PDE10A: variants seen among roughly 807,000 people sequenced by gnomAD.
PDE10A encodes cAMP and cAMP-inhibited cGMP 3',5'-cyclic phosphodiesterase 10A.
PDE10A carries 39 observed loss-of-function variants against 97.7 expected under a neutral mutation model. The observed-to-expected ratio is 0.40, with a 90% CI of 0.31 to 0.52. The LOEUF (loss-of-function observed/expected upper bound fraction) is 0.52, where lower values mean the gene tolerates loss of function less well. Ranked by LOEUF, PDE10A falls within the 20% of genes least tolerant of loss-of-function variation. PDE10A has a pLI of 0.56. For synonymous variants in PDE10A, 371 were observed against 376.8 expected (o/e 0.98, Z 0.18); for missense variants, 731 against 1,047.8 (o/e 0.70, Z 4.17).
rs1469916094 is a variant in PDE10A at position 165,328,722 on chromosome 6, C to T, written c.*4303G>A. 1 of 152,224 alleles carries T rather than the reference C, an allele frequency of 6.6e-6. No homozygotes were observed. Among genetic ancestry groups the T allele is most frequent in the Non-Finnish European group, 1.5e-5 (1 of 68,034 alleles). 9.4% of individuals were successfully genotyped at this position (152,224 alleles called of 1,614,324 possible). ...AATGTCTTTCTCTTTGTTCTATCTT[C>T]TTAATTTAGAACCAGCACACCGTTG... On this transcript the variant is annotated 3_prime_UTR_variant, in exon 22 of 22. Transcript: ENST00000539869.
chr6:165,792,509 C>T (rs1338934302), intron 1 of PDE10A, among the ~76,000 whole-genome samples: 1 of 152,180 alleles, frequency 6.6e-6, no homozygotes, highest in Non-Finnish European at 1.5e-5. Flanking sequence ...CCTTCTAATG[C>T]TTTTGTTTGT....
intron 13 of PDE10A, among the ~76,000 whole-genome samples, chr6:165,402,597 T>C (rs1460569741): frequency 1.3e-5 from 2 of 152,166 alleles, no homozygotes; most frequent in Non-Finnish European, 1.5e-5. Flanking sequence ...AAGAGAATTC[T>C]AGCAGAAAAA....
intron 13 of PDE10A, among the ~76,000 whole-genome samples, chr6:165,399,180 A>C (rs1786427154): frequency 1.3e-5 from 2 of 152,226 alleles, no homozygotes; most frequent in Non-Finnish European, 2.9e-5. Context: ...CATGAAGCAA[A>C]CAACGACAGA....
chr6:165,493,186 C>A (rs1780325885), intron 2 of PDE10A, among the ~76,000 whole-genome samples: 1 of 151,876 alleles, frequency 6.6e-6, no homozygotes, highest in Non-Finnish European at 1.5e-5. Flanking sequence ...AAATCACAGA[C>A]AATATAAACA....
At chr6:165,357,626 T>C (rs771413604) in intron 18 of PDE10A, among the ~76,000 whole-genome samples, 4 of 152,108 alleles carry the variant, frequency 2.6e-5, no homozygotes, top group Non-Finnish European at 5.9e-5. Context: ...ATTTATCCGG[T>C]TCATCTAAGT....
chr6:165,839,954 C>T (rs1161940041), intron 1 of PDE10A, among the ~76,000 whole-genome samples: 122 of 151,864 alleles, frequency 8.0e-4, no homozygotes, highest in East Asian at 9.7e-4. Context: ...TTTCCATCCC[C>T]ATCTACATCT....
intron 1 of PDE10A, among the ~76,000 whole-genome samples, chr6:165,844,756 T>C (rs534048624): frequency 6.6e-6 from 1 of 152,376 alleles, no homozygotes; most frequent in South Asian, 2.1e-4. Context: ...AAAAGAATTA[T>C]ATTAAAGAAA....
chr6:165,488,592 CCA>C (rs1780052172), intron 2 of PDE10A, among the ~76,000 whole-genome samples: 1 of 152,156 alleles, frequency 6.6e-6, no homozygotes, highest in African/African-American at 2.4e-5. Context: ...CCTAGAGAAT[CCA>C]CAGACCCTTT....
chr6:165,441,720 A>T (rs531086906), intron 5 of PDE10A, among the ~76,000 whole-genome samples: 1 of 152,332 alleles, frequency 6.6e-6, no homozygotes, highest in South Asian at 2.1e-4. Context: ...CGGGTACAGG[A>T]GCCCAGGCTG....
intron 1 of PDE10A, among the ~76,000 whole-genome samples, chr6:165,965,472 TCAC>T (rs1373915214): frequency 6.6e-6 from 1 of 151,988 alleles, no homozygotes; most frequent in Non-Finnish European, 1.5e-5. Context: ...GGAGTGAAAA[TCAC>T]CACAATTCTG....
intron 3 of PDE10A, among the ~76,000 whole-genome samples, chr6:165,481,351 AC>A (rs1779596423): frequency 6.6e-6 from 1 of 152,084 alleles, no homozygotes; most frequent in African/African-American, 2.4e-5. Flanking sequence ...ACTCACAGAG[AC>A]CTCAAGAGAA....
At chr6:165,472,878 C>G (rs1779094120) in intron 3 of PDE10A, among the ~76,000 whole-genome samples, 1 of 152,140 alleles carries the variant, frequency 6.6e-6, no homozygotes. Context: ...AATGGGACTA[C>G]AATGAAACCT....
intron 1 of PDE10A, among the ~76,000 whole-genome samples, chr6:165,814,234 G>C (rs371402851): frequency 3.1e-4 from 47 of 152,252 alleles, no homozygotes; most frequent in African/African-American, 1.1e-3. Flanking sequence ...GGAAGGAGCC[G>C]TGCAGCAAGG....
chr6:165,465,636 G>A (rs1399488147), intron 3 of PDE10A, among the ~76,000 whole-genome samples: 2 of 152,188 alleles, frequency 1.3e-5, no homozygotes, highest in South Asian at 2.1e-4. Context: ...TACAATCATA[G>A]TGGAAGGTAC....
At chr6:165,863,367 T>C (rs770678950) in intron 1 of PDE10A, among the ~76,000 whole-genome samples, 6 of 152,178 alleles carry the variant, frequency 3.9e-5, no homozygotes, top group Non-Finnish European at 7.3e-5. Flanking sequence ...ACATGAAAAA[T>C]TATTTTTGGA....
intron 1 of PDE10A, among the ~76,000 whole-genome samples, chr6:165,741,609 A>C (rs962314796): frequency 1.3e-5 from 2 of 152,194 alleles, no homozygotes; most frequent in Admixed American, 1.3e-4. Context: ...GTTTTTTAAA[A>C]AGCATGTCAT....
chr6:165,777,612 C>T (rs1316620138), intron 1 of PDE10A, among the ~76,000 whole-genome samples: 2 of 152,254 alleles, frequency 1.3e-5, no homozygotes, highest in Admixed American at 6.5e-5. Flanking sequence ...TTCAAACCCT[C>T]TTGGGGGGAA....
chr6:165,937,930 C>A (rs1182857003), intron 1 of PDE10A, among the ~76,000 whole-genome samples: 3 of 152,134 alleles, frequency 2.0e-5, no homozygotes, highest in African/African-American at 7.2e-5. Flanking sequence ...ACCAGTCCCC[C>A]CTGTATGAAG....
intron 13 of PDE10A, among the ~76,000 whole-genome samples, chr6:165,397,836 A>C (rs1170684531): frequency 6.6e-6 from 1 of 152,140 alleles, no homozygotes; most frequent in African/African-American, 2.4e-5. Context: ...GGTTACTAAA[A>C]TGTTTGATTG....
Sources: allele counts gnomAD v4.1 joint callset (sites outside exome capture counted in the v4.1 genomes callset), GRCh38; gene constraint gnomAD v4.1.1; transcripts MANE v1.5; gene names NCBI Gene and HGNC (gene_info 2026-07-23, HGNC 2026-07-21).